The following TLK1 variants were observed in gnomAD, a reference collection of about 807,000 sequenced individuals.
The protein encoded by TLK1 is serine/threonine-protein kinase tousled-like 1.
Under a neutral mutation model 105.3 loss-of-function variants are expected in TLK1, and 24 were observed. The ratio of observed to expected loss-of-function variants is 0.23; its 90% CI spans 0.17 to 0.32. TLK1 has a LOEUF of 0.32. Ranked by LOEUF, TLK1 falls within the 10% of genes least tolerant of loss-of-function variation. The probability of loss-of-function intolerance (pLI) is 1.00; values close to 1 mark genes in which losing one functional copy is unlikely to be tolerated. For missense variants in TLK1, 558 were observed against 910.5 expected (o/e 0.61, Z 4.98); for synonymous variants, 321 against 310.4 (o/e 1.03, Z -0.36).
At chr2:171,131,146 C>A (rs1470208586) in intron 1 of TLK1, among the ~76,000 whole-genome samples, 2 of 151,692 alleles carry the variant, frequency 1.3e-5, no homozygotes, top group Non-Finnish European at 2.9e-5. Context: ...TAGATAGATA[C>A]AGAAATATGT....
chr2:171,167,862 C>G (rs932621035), intron 1 of TLK1, among the ~76,000 whole-genome samples: 3 of 152,154 alleles, frequency 2.0e-5, no homozygotes, highest in Middle Eastern at 3.4e-3. Context: ...TTTACAAAAA[C>G]AAAGTACAAC....
At chr2:171,085,909 A>G (rs1158102404) in intron 2 of TLK1, among the ~76,000 whole-genome samples, 1 of 152,242 alleles carries the variant, frequency 6.6e-6, no homozygotes, top group Non-Finnish European at 1.5e-5. Flanking sequence ...TAGGGGATGG[A>G]AAGCATACAC....
chr2:171,008,021 C>G (rs375283019), intron 14 of TLK1, among the ~76,000 whole-genome samples: 33 of 152,190 alleles, frequency 2.2e-4, no homozygotes, highest in African/African-American at 7.5e-4. Context: ...ACAAAGGTGC[C>G]CCTTTCACTT....
intron 3 of TLK1, among the ~76,000 whole-genome samples, chr2:171,063,787 G>A (rs1200959512): frequency 1.3e-5 from 2 of 152,178 alleles, no homozygotes; most frequent in Non-Finnish European, 2.9e-5. Flanking sequence ...TTTCTTTACT[G>A]CAAGGCTTCT....
At chr2:171,158,471 T>C (rs1404799049) in intron 1 of TLK1, among the ~76,000 whole-genome samples, 1 of 152,224 alleles carries the variant, frequency 6.6e-6, no homozygotes, top group Non-Finnish European at 1.5e-5. Context: ...ACTCACAATC[T>C]AGATGTTTTG....
In TLK1 at chr2:171,050,133, T is replaced by A. The variant is rs1324710252; in HGVS notation, c.774A>T (p.Lys258Asn). ...ATCGTTCTTTGTATTTTTCAAGTAA[T>A]TTTTGTTGTTCATCTATTTGCCGTC... ...DLRRQIDEQQ[K>N]LLEKYKERLN... is the part of the protein sequence containing the mutation. Residue 258 changes from lysine to asparagine, a missense_variant, in exon 9 of 21, where the codon AAA (lysine) becomes AAT (asparagine). Physicochemically the swap from Lys to Asn is moderately conservative, Grantham distance 94 (BLOSUM62 0). This residue lies in a region of TLK1 where 196 missense variants were observed against 239.3 expected (regional missense o/e 0.82). Transcript: ENST00000431350. 2 of 1,597,820 alleles carry A rather than the reference T, an allele frequency of 1.3e-6. No individual in the cohort carries two copies. The highest frequency in any genetic ancestry group is 1.7e-6 in the Non-Finnish European group (2 of 1,169,828).
At chr2:171,211,201 G>T (rs1693606446) in intron 1 of TLK1, among the ~76,000 whole-genome samples, 1 of 152,176 alleles carries the variant, frequency 6.6e-6, no homozygotes, top group South Asian at 2.1e-4. Flanking sequence ...CTGTAACACA[G>T]TTTACATTGC....
upstream of TLK1, among the ~76,000 whole-genome samples, chr2:171,164,699 A>C (rs1575643053): frequency 6.6e-6 from 1 of 152,368 alleles, no homozygotes; most frequent in Admixed American, 6.5e-5. Context: ...TCTGGACATA[A>C]GTTGTGCAAA....
At chr2:171,023,280 G>A (rs545060677) in intron 12 of TLK1, among the ~76,000 whole-genome samples, 3 of 152,080 alleles carry the variant, frequency 2.0e-5, no homozygotes, top group African/African-American at 4.8e-5. Context: ...TGATTCCTTC[G>A]GTCTGCAAAG....
chr2:171,216,199 G>A (rs1165120361), intron 1 of TLK1, among the ~76,000 whole-genome samples: 5 of 152,142 alleles, frequency 3.3e-5, no homozygotes, highest in South Asian at 2.1e-4. Context: ...AACAAGGGCC[G>A]GGTGCAGTGG....
At chr2:171,106,717 C>G (rs549972787) in intron 2 of TLK1, among the ~76,000 whole-genome samples, 20 of 152,224 alleles carry the variant, frequency 1.3e-4, no homozygotes, top group African/African-American at 4.8e-4. Context: ...ATGCTACTAT[C>G]ATTAAAATTT....
intron 1 of TLK1, among the ~76,000 whole-genome samples, chr2:171,193,498 G>A (rs1221228065): frequency 6.7e-6 from 1 of 149,748 alleles, no homozygotes; most frequent in Admixed American, 6.7e-5. Flanking sequence ...CCAGGTTCAC[G>A]CCATTCTCCT....
At chr2:171,081,710 T>C (rs1426908732) in intron 3 of TLK1, 1 of 1,304,278 alleles carries the variant, frequency 7.7e-7, no homozygotes, top group Non-Finnish European at 1.0e-6. Context: ...CAGTTGTTTC[T>C]GTGGAAGGGA....
intron 1 of TLK1, among the ~76,000 whole-genome samples, chr2:171,128,064 C>T (rs548181746): frequency 2.2e-4 from 34 of 152,190 alleles, no homozygotes; most frequent in African/African-American, 6.7e-4. Context: ...CAGAGTAATG[C>T]TTCACCTAAT....
At chr2:171,067,116 T>C (rs917434102) in intron 3 of TLK1, 7 of 769,020 alleles carry the variant, frequency 9.1e-6, no homozygotes, top group Non-Finnish European at 1.3e-5. Context: ...CTGGTATACA[T>C]ACTTTTAAAT....
chr2:171,026,951 A>G (rs1410685143), intron 12 of TLK1, among the ~76,000 whole-genome samples: 1 of 152,164 alleles, frequency 6.6e-6, no homozygotes, highest in East Asian at 1.9e-4. Flanking sequence ...CTTAAATAAC[A>G]AAACCAAAAT....
At chr2:171,205,851 T>C (rs1693496903) in intron 1 of TLK1, among the ~76,000 whole-genome samples, 1 of 152,166 alleles carries the variant, frequency 6.6e-6, no homozygotes, top group Non-Finnish European at 1.5e-5. Flanking sequence ...AAGTTTGGGA[T>C]TGAAATGAAA....
At chr2:171,058,126 T>C (rs754809647) in intron 5 of TLK1, 25 bp downstream of exon 5, 2 of 1,612,386 alleles carry the variant, frequency 1.2e-6, no homozygotes, top group East Asian at 2.2e-5. Context: ...AATTAGGAAA[T>C]GGAGACAATC....
At chr2:171,123,280 TC>T (rs1341012848) in intron 1 of TLK1, among the ~76,000 whole-genome samples, 1 of 152,104 alleles carries the variant, frequency 6.6e-6, no homozygotes, top group African/African-American at 2.4e-5. Flanking sequence ...CACTACAACC[TC>T]CACCGCCCAG....
Sources: allele counts gnomAD v4.1 joint callset (sites outside exome capture counted in the v4.1 genomes callset), GRCh38; gene constraint gnomAD v4.1.1; regional missense constraint gnomAD v4.1.1; transcripts MANE v1.5; gene names NCBI Gene and HGNC (gene_info 2026-07-23, HGNC 2026-07-21).